Variants in RIC1 observed in about 807,000 individuals in gnomAD.
RIC1 encodes RIC1 partner of RAB6A GEF complex, also known as guanine nucleotide exchange factor subunit RIC1.
Under a neutral mutation model 169.0 loss-of-function variants are expected in RIC1, and 88 were observed. That is an observed-to-expected ratio of 0.52 (90% CI 0.44 to 0.62). The LOEUF (loss-of-function observed/expected upper bound fraction) is 0.62, where lower values mean the gene tolerates loss of function less well. Among genes scored for constraint, RIC1 ranks in the 20% least tolerant of loss-of-function variants. The pLI, the probability that RIC1 is intolerant of heterozygous loss-of-function variation, is 0.00. For missense variants in RIC1, 1,877 were observed against 1,725.5 expected (o/e 1.09, Z -1.56); for synonymous variants, 790 against 601.5 (o/e 1.31, Z -4.59).
chr9:5,760,073 G>A (rs1168830481), intron 17 of RIC1, among the ~76,000 whole-genome samples: 1 of 152,186 alleles, frequency 6.6e-6, no homozygotes, highest in Non-Finnish European at 1.5e-5. Context: ...GACAAAGAAT[G>A]CTGGAGCAAA....
At chr9:5,728,376 G>A (rs1288796059) in intron 6 of RIC1, among the ~76,000 whole-genome samples, 1 of 152,240 alleles carries the variant, frequency 6.6e-6, no homozygotes, top group Non-Finnish European at 1.5e-5. Context: ...TGTGCTGTTT[G>A]CTAAGACCAT....
chr9:5,682,164 G>A (rs575623286), intron 2 of RIC1, among the ~76,000 whole-genome samples: 25 of 152,210 alleles, frequency 1.6e-4, no homozygotes, highest in Non-Finnish European at 2.9e-4. Flanking sequence ...TTACATTTAA[G>A]GTTAATATTG....
rs188405650 is a variant in RIC1 at position 5,684,151 on chromosome 9, C to A, written c.253-5808C>A. ...ACGCACAGTGCGCTGCACCCACTGTCCGGCACACCCCGGTGAGATGAACCC... is the reference window on the plus strand; with the variant it reads ...ACGCACAGTGCGCTGCACCCACTGTACGGCACACCCCGGTGAGATGAACCC... On this transcript the variant is annotated intron_variant, in intron 2 of 25. Transcript: ENST00000414202. Among the ~76,000 whole-genome samples the A allele has an allele frequency of 1.1e-3, 165 of 152,048 alleles. 2 individuals carry two copies. The highest frequency in any genetic ancestry group is 3.8e-3 in the African/African-American group (156 of 41,474).
chr9:5,754,059 T>A (rs1261397927), intron 14 of RIC1, among the ~76,000 whole-genome samples: 1 of 152,206 alleles, frequency 6.6e-6, no homozygotes, highest in Non-Finnish European at 1.5e-5. Flanking sequence ...CATATACGCA[T>A]GCAGTTGGAA....
At chr9:5,721,094 G>A (rs1040073473) in intron 6 of RIC1, among the ~76,000 whole-genome samples, 3 of 152,000 alleles carry the variant, frequency 2.0e-5, no homozygotes, top group Non-Finnish European at 2.9e-5. Context: ...ACTTCTTACT[G>A]TTGAAAGTGA....
Position 5,774,024 on chromosome 9 carries a change from A to G in RIC1, c.4050A>G (p.Glu1350=). ...PQLQKLSEIT[E]EQVQPDAFQP... ...TGCAGAAGCTCAGTGAGATAACAGAAGAGCAGGTCCAGCCAGATGCCTTCC... is the reference window on the plus strand; with the variant it reads ...TGCAGAAGCTCAGTGAGATAACAGAGGAGCAGGTCCAGCCAGATGCCTTCC... Residue 1350 remains glutamate (E), a synonymous_variant, in exon 26 of 26, where the codon GAA becomes GAG. Transcript: ENST00000414202. 1 of 1,614,030 alleles carries G rather than the reference A, an allele frequency of 6.2e-7. No homozygotes were observed. The highest frequency in any genetic ancestry group is 8.5e-7 in the Non-Finnish European group (1 of 1,179,952).
At chr9:5,734,187 A>C (rs766391987) in intron 7 of RIC1, among the ~76,000 whole-genome samples, 1 of 151,300 alleles carries the variant, frequency 6.6e-6, no homozygotes, top group Non-Finnish European at 1.5e-5. Context: ...GCTCACCGCA[A>C]CCTCTGCCTC....
chr9:5,777,802 ATTC>A (rs1270031483), downstream of RIC1, among the ~76,000 whole-genome samples: 1 of 152,090 alleles, frequency 6.6e-6, no homozygotes, highest in Non-Finnish European at 1.5e-5. Context: ...TTATTTATAG[ATTC>A]TTAATTGTAT....
At chr9:5,707,554 C>T (rs1019250697) in intron 3 of RIC1, among the ~76,000 whole-genome samples, 3 of 151,932 alleles carry the variant, frequency 2.0e-5, no homozygotes, top group African/African-American at 7.3e-5. Context: ...GGCTCTGATG[C>T]TATATTTGAA....
At chr9:5,634,151 T>A (rs1817859100) in intron 1 of RIC1, among the ~76,000 whole-genome samples, 1 of 152,176 alleles carries the variant, frequency 6.6e-6, no homozygotes, top group African/African-American at 2.4e-5. Flanking sequence ...GACACTTAGG[T>A]TGTTTCTGTA....
At chr9:5,686,987 G>A (rs909787431) in intron 2 of RIC1, among the ~76,000 whole-genome samples, 1 of 152,150 alleles carries the variant, frequency 6.6e-6, no homozygotes, top group African/African-American at 2.4e-5. Context: ...AATTTTCTTT[G>A]TGGAAAGGAT....
intron 2 of RIC1, among the ~76,000 whole-genome samples, chr9:5,661,279 C>A (rs1198226270): frequency 6.6e-6 from 1 of 152,072 alleles, no homozygotes; most frequent in African/African-American, 2.4e-5. Context: ...ATGCCTCTGG[C>A]CTTGTTCTTT....
At chr9:5,700,964 A>C (rs1822178835) in intron 3 of RIC1, among the ~76,000 whole-genome samples, 1 of 152,164 alleles carries the variant, frequency 6.6e-6, no homozygotes, top group African/African-American at 2.4e-5. Context: ...TTCCCCAGTT[A>C]GCTTACCTAG....
chr9:5,658,176 C>G (rs1563875228), intron 2 of RIC1, among the ~76,000 whole-genome samples: 1 of 151,996 alleles, frequency 6.6e-6, no homozygotes, highest in Non-Finnish European at 1.5e-5. Context: ...GACAAAAAGA[C>G]TTTGTTTTGT....
At chr9:5,692,698 T>A (rs1179700574) in intron 3 of RIC1, among the ~76,000 whole-genome samples, 1 of 152,024 alleles carries the variant, frequency 6.6e-6, no homozygotes, top group African/African-American at 2.4e-5. Context: ...CTTCTTTCAT[T>A]GTTAAGAGGA....
At chr9:5,649,893 C>G (rs534575223) in intron 1 of RIC1, among the ~76,000 whole-genome samples, 1 of 152,160 alleles carries the variant, frequency 6.6e-6, no homozygotes, top group South Asian at 2.1e-4. Context: ...GGCACCTTGT[C>G]TTTGATTCTG....
At chr9:5,686,154 T>C (rs1384182166) in intron 2 of RIC1, among the ~76,000 whole-genome samples, 1 of 150,822 alleles carries the variant, frequency 6.6e-6, no homozygotes, top group African/African-American at 2.4e-5. Context: ...TGTGGAGAAA[T>C]AGGAACAGTT....
rs560592673 is a variant in RIC1, at chr9:5,632,839, A to G, written c.144+3386A>G. ...ATACTAACTGTGACTATGAAAGTCT[A>G]TATATGTGAACATCAGAATGGTATC... On this transcript the variant is annotated intron_variant, in intron 1 of 25. Coordinates refer to ENST00000414202, the MANE Select transcript of RIC1 (RefSeq NM_020829.4). Among the ~76,000 whole-genome samples, 20 of 152,332 alleles carry G rather than the reference A, an allele frequency of 1.3e-4. No homozygotes were observed. The East Asian group carries it at 3.5e-3, about 26-fold the overall frequency.
At chr9:5,666,318 C>T (rs1051098795) in intron 2 of RIC1, among the ~76,000 whole-genome samples, 1 of 151,784 alleles carries the variant, frequency 6.6e-6, no homozygotes, top group Non-Finnish European at 1.5e-5. Context: ...ACTTTATTAG[C>T]TCTAATAATT....
Sources: gnomAD v4.1 joint callset for allele counts (sites outside exome capture counted in the v4.1 genomes callset) on GRCh38, gnomAD v4.1.1 for gene constraint, MANE v1.5 for transcripts, NCBI Gene and HGNC (gene_info 2026-07-23, HGNC 2026-07-21) for gene names.